The following RNF157 variants were observed in gnomAD, a reference collection of about 807,000 sequenced individuals.
The protein encoded by RNF157 is E3 ubiquitin ligase RNF157.
RNF157 carries 55 observed loss-of-function variants against 88.3 expected under a neutral mutation model. The ratio of observed to expected loss-of-function variants is 0.62; its 90% confidence interval spans 0.50 to 0.78. The LOEUF (loss-of-function observed/expected upper bound fraction) is 0.78. RNF157 is among the 30% of genes least tolerant of loss of function. RNF157 has a pLI of 0.00. For synonymous variants in RNF157, 334 were observed against 341.2 expected (o/e 0.98, Z 0.23); for missense variants, 788 against 860.8 (o/e 0.92, Z 1.06).
Position 76,157,471 on chromosome 17 carries a change from T to C in RNF157, c.1413+922A>G, listed in dbSNP as rs1655704575. ...CCACATGGATGTTTCTCTCACCTCT[T>C]TCTCCATGTCTAAAAAACTTCCAGG... On this transcript the variant is annotated intron_variant, in intron 13 of 18. Coordinates refer to ENST00000269391, the MANE Select transcript of RNF157 (RefSeq NM_052916.3). This position sits in a 1 kb window ranked among gnomAD's most constrained non-coding sequence, Gnocchi z 5.6. Among the ~76,000 whole-genome samples, 1 of 152,242 alleles carries C rather than the reference T, an allele frequency of 6.6e-6. No individual in the cohort carries two copies. Among genetic ancestry groups the C allele is most frequent in the Non-Finnish European group, 1.5e-5 (1 of 68,040 alleles).
intron 3 of RNF157, among the ~76,000 whole-genome samples, chr17:76,173,132 A>C (rs992012237): frequency 2.0e-5 from 3 of 152,050 alleles, no homozygotes; most frequent in Middle Eastern, 3.4e-3. Context: ...TAAAAATACA[A>C]AAAATTAGCC....
intron 1 of RNF157, among the ~76,000 whole-genome samples, chr17:76,227,784 GGA>G (rs2070118994): frequency 6.6e-6 from 1 of 152,108 alleles, no homozygotes; most frequent in African/African-American, 2.4e-5. Flanking sequence ...GGCTCAGGCA[GGA>G]GAATCGCTTG....
chr17:76,233,102 A>G (rs2070222400), intron 1 of RNF157, among the ~76,000 whole-genome samples: 1 of 151,972 alleles, frequency 6.6e-6, no homozygotes, highest in Admixed American at 6.6e-5. Flanking sequence ...TTGTATTTTT[A>G]GCAGAGACAG....
At position 76,158,472 on chromosome 17, in the gene RNF157, T is replaced by C. The variant is rs758076307; in HGVS notation, c.1334A>G (p.His445Arg). ...GCAGGAATGCTCATCTTCCTCTTCATGCAGCACGGAAGAGTTTTGGGAAGT... is the reference window on the plus strand; with the variant it reads ...GCAGGAATGCTCATCTTCCTCTTCACGCAGCACGGAAGAGTTTTGGGAAGT... ...KSTSQNSSVLHEEEDEHSCSE... is the reference protein window; with the variant it reads ...KSTSQNSSVLREEEDEHSCSE... Residue 445 changes from histidine (H) to arginine (R), a missense_variant, in exon 13 of 19, where the codon CAT becomes CGT. His to Arg is a conservative substitution (Grantham distance 29). Coordinates refer to ENST00000269391, the MANE Select transcript of RNF157 (RefSeq NM_052916.3). 1 of 1,613,862 alleles carries C rather than the reference T, an allele frequency of 6.2e-7. No homozygotes were observed. Among genetic ancestry groups the C allele is most frequent in the Non-Finnish European group, 8.5e-7 (1 of 1,179,784 alleles).
chr17:76,201,318 C>G (rs2069573113), intron 2 of RNF157, among the ~76,000 whole-genome samples: 1 of 119,918 alleles, frequency 8.3e-6, no homozygotes, highest in African/African-American at 4.3e-5. Flanking sequence ...AGACCCTAGT[C>G]TCTACAAAAA....
chr17:76,145,273 C>T lies in RNF157; in HGVS notation c.2002G>A (p.Glu668Lys). The part of the protein sequence containing the change: ...RLSSSSLEDS[E>K]TRPCVWGPLA... Reference sequence around the variant, plus strand: ...GGGCCCCACACACAGGGCCTCGTCTCAGAGTCCTCCAGGCTGCTGGATGAC... The same window carrying T: ...GGGCCCCACACACAGGGCCTCGTCTTAGAGTCCTCCAGGCTGCTGGATGAC... The change falls in exon 19 of 19, where the codon GAG becomes AAG. Residue 668 changes from glutamate (E) to lysine (K), a missense_variant. By Grantham distance (56) the Glu-to-Lys change is moderately conservative. Coordinates refer to ENST00000269391, the MANE Select transcript of RNF157 (RefSeq NM_052916.3). 6.2e-7 allele frequency: 1 copy of T among 1,608,824 alleles called. No individual in the cohort carries two copies.
At chr17:76,173,297 GA>G (rs2069049318) in intron 3 of RNF157, among the ~76,000 whole-genome samples, 2 of 150,672 alleles carry the variant, frequency 1.3e-5, no homozygotes, top group South Asian at 4.2e-4. Context: ...AAAAAAAAAA[GA>G]AAAGAAAAAG....
chr17:76,206,869 T>C (rs1055062534), intron 2 of RNF157, among the ~76,000 whole-genome samples: 1 of 152,232 alleles, frequency 6.6e-6, no homozygotes, highest in Admixed American at 6.5e-5. Flanking sequence ...ATAGCTAACA[T>C]TGCTGCATGC....
rs1227187271 is a variant in RNF157 at position 76,160,365 on chromosome 17, T to C, written c.1066-792A>G. 7.2e-6 allele frequency among the ~76,000 whole-genome samples: 1 copy of C among 139,540 alleles called. No homozygotes were observed. The highest frequency in any genetic ancestry group is 2.9e-5 in the African/African-American group (1 of 34,314). The allele number at this position is 139,540 out of a possible 152,430, so 91.5% of individuals were successfully genotyped here. A position where few individuals can be genotyped will look rare whatever the true frequency, so the allele number is the denominator to read the frequency against. ...TTTAAGGCCTTGATATATACTGCTG[T>C]TTTCTGCTGTTTTTTTTTTCAGTGC... On this transcript the variant is annotated intron_variant, in intron 11 of 18. Coordinates refer to ENST00000269391, the MANE Select transcript of RNF157 (RefSeq NM_052916.3). This position sits in a 1 kb window ranked among gnomAD's most constrained non-coding sequence, Gnocchi z 4.3.
chr17:76,156,205 T>A lies in RNF157; in HGVS notation c.1525+5A>T, dbSNP rs2068760623. On this transcript the variant is annotated splice_donor_5th_base_variant and intron_variant, in intron 14 of 18. Transcript: ENST00000269391. Reference sequence around the variant, plus strand: ...ACATGCAGCCACTCCCCGCTCCTTATGTACCTTCTGGGGAGGAAATAGTGG... The same window carrying A: ...ACATGCAGCCACTCCCCGCTCCTTAAGTACCTTCTGGGGAGGAAATAGTGG... 6.2e-7 allele frequency: 1 copy of A among 1,609,308 alleles called. No individual in the cohort carries two copies. Among genetic ancestry groups the A allele is most frequent in the Non-Finnish European group, 8.5e-7 (1 of 1,175,626 alleles).
intron 1 of RNF157, among the ~76,000 whole-genome samples, chr17:76,235,054 T>C (rs1318966143): frequency 2.6e-5 from 4 of 152,246 alleles, no homozygotes; most frequent in Non-Finnish European, 5.9e-5. Flanking sequence ...TTGATTACTG[T>C]GGCATTATAG....
Position 76,167,033 on chromosome 17 carries a change from A to G in RNF157, c.537T>C (p.Asp179=), listed in dbSNP as rs1598398516. The G allele has an allele frequency of 1.2e-6, 2 of 1,611,096 alleles. No individual in the cohort carries two copies. Among genetic ancestry groups the G allele is most frequent in the Non-Finnish European group, 8.5e-7 (1 of 1,179,576 alleles). ...CCTCCTCTTCGGCCCACTCGGAGGG[A>G]TCCACGGTGTGGGAGGGCAGGCAGA... ...QQFCLPSHTV[D]PSEWAEEELG... is the part of the protein sequence containing the mutation. The change falls in exon 5 of 19, where the codon GAT becomes GAC. Residue 179 remains aspartate (D), a synonymous_variant. Transcript: ENST00000269391.
At chr17:76,215,500 G>T (rs1323640550) in intron 1 of RNF157, among the ~76,000 whole-genome samples, 1 of 87,000 alleles carries the variant, frequency 1.1e-5, no homozygotes, top group East Asian at 3.1e-4. Flanking sequence ...AAAGAAAAAA[G>T]AAAAGAAAAG....
rs1189395574 is a variant in RNF157, at chr17:76,164,792, T to C, written c.676A>G (p.Thr226Ala). 1 of 1,610,500 alleles carries C rather than the reference T, an allele frequency of 6.2e-7. No individual in the cohort carries two copies. Among genetic ancestry groups the C allele is most frequent in the Non-Finnish European group, 8.5e-7 (1 of 1,177,092 alleles). Residue 226 changes from threonine to alanine, a missense_variant, in exon 8 of 19, where the codon ACA becomes GCA. Physicochemically the swap from Thr to Ala is moderately conservative, Grantham distance 58. Coordinates refer to ENST00000269391, the MANE Select transcript of RNF157 (RefSeq NM_052916.3). ...HVLLGTFEKH[T>A]DGTFCVKPLK... The stretch of plus-strand genomic sequence containing the variant: ...GGCTTGACACAGAAAGTTCCATCTG[T>C]GTGCTGGAATGAAAATATGAAAGTT...
chr17:76,215,132 A>G (rs2069866316), intron 1 of RNF157, among the ~76,000 whole-genome samples: 1 of 152,038 alleles, frequency 6.6e-6, no homozygotes, highest in Admixed American at 6.6e-5. Flanking sequence ...TCCCTAAATC[A>G]GTTGCAATTT....
intron 18 of RNF157, chr17:76,147,380 A>ACAG (rs950559167): frequency 6.1e-6 from 6 of 984,836 alleles, no homozygotes; most frequent in Non-Finnish European, 4.8e-6. Context: ...ACAAATAAAA[A>ACAG]CAGCAGCACC....
intron 2 of RNF157, among the ~76,000 whole-genome samples, chr17:76,174,011 T>C (rs1370230264): frequency 6.6e-6 from 1 of 152,062 alleles, no homozygotes. Context: ...AGAGCCAGAT[T>C]TATCTTCTTT....
In RNF157 at chr17:76,212,482, C is replaced by A; in HGVS notation, c.89G>T (p.Gly30Val). Residue 30 changes from glycine to valine, a missense_variant and splice_region_variant, in exon 2 of 19, where the codon GGA becomes GTA. Gly to Val is a moderately radical substitution (Grantham distance 109, BLOSUM62 -3). Transcript: ENST00000269391. ...NSVYRYPPKS[G>V]SYFASHFIMG... ...AATGAAGTGGCTGGCAAAATAGCTT[C>A]CTAGAGAGGAACAAACAAAAAAAAT... 1 of 1,586,118 alleles carries A rather than the reference C, an allele frequency of 6.3e-7. No individual in the cohort carries two copies.
intron 1 of RNF157, among the ~76,000 whole-genome samples, chr17:76,212,734 T>C (rs2069824062): frequency 6.6e-6 from 1 of 152,122 alleles, no homozygotes; most frequent in South Asian, 2.1e-4. Flanking sequence ...TGGTGGCACA[T>C]GCCTGTAGTC....
Sources: allele counts gnomAD v4.1 joint callset (sites outside exome capture counted in the v4.1 genomes callset), GRCh38; gene constraint gnomAD v4.1.1; non-coding constraint Gnocchi (gnomAD v3.1); transcripts MANE v1.5; gene names NCBI Gene and HGNC (gene_info 2026-07-23, HGNC 2026-07-21).